ARHGAP15: variants seen among roughly 807,000 people sequenced by gnomAD.
The protein encoded by ARHGAP15 is rho GTPase-activating protein 15.
ARHGAP15 carries 51 observed loss-of-function variants against 63.7 expected under a neutral mutation model. The observed-to-expected ratio is 0.80, with a 90% confidence interval of 0.64 to 1.01. The LOEUF (loss-of-function observed/expected upper bound fraction) is 1.01, where lower values mean the gene tolerates loss of function less well. Among genes scored for constraint, ARHGAP15 ranks in the 50% least tolerant of loss-of-function variants. ARHGAP15 has a pLI of 0.00. For synonymous variants in ARHGAP15, 191 were observed against 193.8 expected, an observed-to-expected ratio of 0.99 and a Z score of 0.12; for missense variants, 560 against 564.6, an observed-to-expected ratio of 0.99 and a Z score of 0.08.
intron 2 of ARHGAP15, among the ~76,000 whole-genome samples, chr2:143,190,066 G>A (rs1173814268): frequency 6.6e-6 from 1 of 152,040 alleles, no homozygotes; most frequent in Non-Finnish European, 1.5e-5. Context: ...AAGATTGTAA[G>A]CTTCATGAGA....
At chr2:143,652,873 T>G (rs1316261658) in intron 12 of ARHGAP15, among the ~76,000 whole-genome samples, 1 of 152,112 alleles carries the variant, frequency 6.6e-6, no homozygotes, top group Non-Finnish European at 1.5e-5. Flanking sequence ...CAATAATATT[T>G]TTTGGCTTTC....
chr2:143,318,863 G>A (rs761261790), intron 6 of ARHGAP15, among the ~76,000 whole-genome samples: 35 of 152,060 alleles, frequency 2.3e-4, no homozygotes, highest in Non-Finnish European at 4.4e-4. Context: ...ATAAATGAAT[G>A]TTGTTGAGTT....
chr2:143,163,706 G>T (rs909518402), intron 2 of ARHGAP15, among the ~76,000 whole-genome samples: 13 of 152,068 alleles, frequency 8.5e-5, no homozygotes, highest in African/African-American at 3.1e-4. Context: ...TGTCATCACA[G>T]AAATCTATAG....
intron 6 of ARHGAP15, among the ~76,000 whole-genome samples, chr2:143,370,938 T>G (rs1212994770): frequency 6.6e-6 from 1 of 152,248 alleles, no homozygotes; most frequent in African/African-American, 2.4e-5. Context: ...ATCATGACTT[T>G]TTTTCTCCTT....
At chr2:143,208,118 C>T (rs1293366335) in intron 3 of ARHGAP15, among the ~76,000 whole-genome samples, 1 of 152,098 alleles carries the variant, frequency 6.6e-6, no homozygotes, top group Non-Finnish European at 1.5e-5. Context: ...ACATTCTTTC[C>T]TTTGGAGTTA....
intron 12 of ARHGAP15, among the ~76,000 whole-genome samples, chr2:143,667,582 TAAAAAAA>T (rs71338146): frequency 2.2e-5 from 3 of 138,950 alleles, no homozygotes; most frequent in Non-Finnish European, 4.6e-5. Flanking sequence ...TAAAAAAAAT[TAAAAAAA>T]AAAAAAAAAA....
intron 10 of ARHGAP15, among the ~76,000 whole-genome samples, chr2:143,527,337 T>A (rs1694323134): frequency 6.6e-6 from 1 of 152,094 alleles, no homozygotes. Context: ...TTCCTCTAAA[T>A]TCTTTGGGAG....
intron 12 of ARHGAP15, among the ~76,000 whole-genome samples, chr2:143,631,643 A>G (rs1381320154): frequency 6.6e-6 from 1 of 152,052 alleles, no homozygotes; most frequent in Non-Finnish European, 1.5e-5. Flanking sequence ...ACTTTTTCAA[A>G]AAAATTGGCT....
chr2:143,481,917 T>C (rs761235133), intron 8 of ARHGAP15, among the ~76,000 whole-genome samples: 2 of 152,178 alleles, frequency 1.3e-5, no homozygotes, highest in African/African-American at 2.4e-5. Flanking sequence ...TGGTTAAGAA[T>C]GGTATTTAAA....
At chr2:143,256,484 T>C (rs1680433778) in intron 6 of ARHGAP15, among the ~76,000 whole-genome samples, 1 of 152,058 alleles carries the variant, frequency 6.6e-6, no homozygotes. Context: ...AATTAATTAA[T>C]CAATGACATA....
intron 11 of ARHGAP15, among the ~76,000 whole-genome samples, chr2:143,581,854 C>G: frequency 6.6e-6 from 1 of 152,070 alleles, no homozygotes; most frequent in Non-Finnish European, 1.5e-5. Flanking sequence ...TAAAATTTTC[C>G]AAGGATTGGA....
At chr2:143,504,680 G>C (rs1257000293) in intron 9 of ARHGAP15, among the ~76,000 whole-genome samples, 1 of 152,140 alleles carries the variant, frequency 6.6e-6, no homozygotes, top group African/African-American at 2.4e-5. Context: ...TGCACAATTT[G>C]ATGAATTACT....
intron 13 of ARHGAP15, among the ~76,000 whole-genome samples, chr2:143,740,305 C>T (rs1685913716): frequency 6.6e-6 from 1 of 152,074 alleles, no homozygotes; most frequent in South Asian, 2.1e-4. Context: ...ATGTCCTGAC[C>T]GTTGTGGCTA....
At chr2:143,734,257 T>C (rs367570606) in intron 13 of ARHGAP15, among the ~76,000 whole-genome samples, 2 of 152,158 alleles carry the variant, frequency 1.3e-5, no homozygotes, top group African/African-American at 4.8e-5. Context: ...TTACTGACCT[T>C]CAGCTTGCAG....
chr2:143,374,285 T>A (rs7558070), intron 6 of ARHGAP15, among the ~76,000 whole-genome samples: 84,508 of 151,848 alleles, frequency 0.56, 23,764 homozygotes, highest in Admixed American at 0.61. Flanking sequence ...GTCACTGGAA[T>A]GTACCACTTT....
At chr2:143,281,680 A>C (rs1025757750) in intron 6 of ARHGAP15, among the ~76,000 whole-genome samples, 4 of 152,150 alleles carry the variant, frequency 2.6e-5, no homozygotes, top group African/African-American at 7.2e-5. Context: ...CATTATGGTA[A>C]TACAATGGCC....
chr2:143,376,659 T>C (rs1574356339), intron 6 of ARHGAP15, among the ~76,000 whole-genome samples: 1 of 152,086 alleles, frequency 6.6e-6, no homozygotes, highest in Non-Finnish European at 1.5e-5. Context: ...TTTTAAAGGG[T>C]ATGCCATATA....
chr2:143,592,889 C>T (rs1697374874), intron 11 of ARHGAP15, among the ~76,000 whole-genome samples: 1 of 152,112 alleles, frequency 6.6e-6, no homozygotes, highest in South Asian at 2.1e-4. Flanking sequence ...AAGGGAATTG[C>T]CTTTGGTTAC....
chr2:143,605,791 A>G (rs2105202750), intron 11 of ARHGAP15, among the ~76,000 whole-genome samples: 1 of 147,998 alleles, frequency 6.8e-6, no homozygotes, highest in African/African-American at 2.5e-5. Flanking sequence ...AGGCAGGCGA[A>G]TTGCCTGAGC....
Sources: allele counts gnomAD v4.1 joint callset (sites outside exome capture counted in the v4.1 genomes callset), GRCh38; gene constraint gnomAD v4.1.1; transcripts MANE v1.5; gene names NCBI Gene and HGNC (gene_info 2026-07-23, HGNC 2026-07-21).